CELSR2: variants seen among roughly 807,000 people sequenced by gnomAD.
CELSR2 encodes cadherin EGF LAG seven-pass G-type receptor 2, also known as EGF-like protein 2.
A neutral mutation model predicts 251.6 loss-of-function variants in CELSR2; 81 were observed. That is an observed-to-expected ratio of 0.32 (90% CI 0.27 to 0.39). The LOEUF (loss-of-function observed/expected upper bound fraction) is 0.39. Among genes scored for constraint, CELSR2 ranks in the 10% least tolerant of loss-of-function variants. CELSR2 has a pLI of 1.00. For synonymous variants in CELSR2, 1,721 were observed against 1,670.5 expected (o/e 1.03, Z -0.74); for missense variants, 3,365 against 3,947.7 (o/e 0.85, Z 3.96).
Position 109,272,727 on chromosome 1 carries a change from T to G in CELSR2, c.8142T>G (p.His2714Gln). ...SLFLEGQDQQ[H>Q]DPDTDSDSDL... is the part of the protein sequence containing the mutation. ...TCCTGGAAGGTCAAGACCAGCAGCA[T>G]GGTGAGGACAGAACGCTCTGGCCAC... is the stretch of plus-strand genomic sequence containing the variant. The change falls in exon 30 of 34, where the codon CAT becomes CAG. Residue 2714 changes from histidine to glutamine, a missense_variant and splice_region_variant. Physicochemically the swap from His to Gln is conservative, Grantham distance 24. Coordinates refer to ENST00000271332, the MANE Select transcript of CELSR2 (RefSeq NM_001408.3). The G allele has an allele frequency of 1.2e-6, 2 of 1,613,500 alleles. No individual in the cohort carries two copies. The highest frequency in any genetic ancestry group is 1.7e-6 in the Non-Finnish European group (2 of 1,179,844).
chr1:109,272,819 C>T lies in CELSR2; in HGVS notation c.8144-14C>T, dbSNP rs1463561844. The T allele has an allele frequency of 6.2e-7, 1 of 1,612,934 alleles. No individual in the cohort carries two copies. Among genetic ancestry groups the T allele is most frequent in the Non-Finnish European group, 8.5e-7 (1 of 1,179,334 alleles). On this transcript the variant is annotated splice_polypyrimidine_tract_variant and intron_variant, in intron 30 of 33. Coordinates refer to ENST00000271332, the MANE Select transcript of CELSR2 (RefSeq NM_001408.3). ...GGTGGCTGGGCTGGCTGTGATCTCT[C>T]CCTGGCCTCCTAGATCCTGACACGG...
At position 109,273,574 on chromosome 1, in the gene CELSR2, C is replaced by G. The variant is rs201068214; in HGVS notation, c.8648C>G (p.Pro2883Arg). 8 of 1,563,704 alleles carry G rather than the reference C, an allele frequency of 5.1e-6. No homozygotes were observed. The highest frequency in any genetic ancestry group is 6.9e-6 in the Non-Finnish European group (8 of 1,154,606). The change falls in exon 33 of 34, where the codon CCG (proline) becomes CGG (arginine). Residue 2883 changes from proline (P) to arginine (R), a missense_variant. Around this residue, in one of 5 missense-constraint regions of CELSR2, gnomAD observed 2,093 missense variants for 2,382.8 expected, o/e 0.88. Transcript: ENST00000271332. ...CGGGGAGGCCCCCCTCCCCGCCCAC[C>G]GCCCCGGCAGAGCCTCCAGGAGCAG... ...GSRGGPPPRP[P>R]PRQSLQEQLN...
rs771006174 is a variant in CELSR2 at position 109,265,859 on chromosome 1, G to A, written c.5852G>A (p.Gly1951Glu). The A allele has an allele frequency of 9.3e-6, 15 of 1,614,052 alleles. No homozygotes were observed. The South Asian group carries it at 1.3e-4, about 14-fold the overall frequency. The change falls in exon 14 of 34, where the codon GGG becomes GAG. Residue 1951 changes from glycine to glutamate, a missense_variant. Physicochemically the swap from Gly to Glu is moderately conservative, Grantham distance 98. Around this residue, in one of 5 missense-constraint regions of CELSR2, gnomAD observed 2,093 missense variants for 2,382.8 expected, o/e 0.88. Coordinates refer to ENST00000271332, the MANE Select transcript of CELSR2 (RefSeq NM_001408.3). ...TGTCCATGCAAGCCAGGTGTCATCG[G>A]GCGTCAGTGTGACCGCTGTGACAAC... The part of the protein sequence containing the change: ...GQCPCKPGVI[G>E]RQCDRCDNPF...
chr1:109,261,125 G>C lies in CELSR2; in HGVS notation c.4042G>C (p.Val1348Leu). Residue 1348 changes from valine (V) to leucine (L), a missense_variant, in exon 3 of 34, where the codon GTG becomes CTG. Transcript: ENST00000271332. This position sits in a 1 kb window ranked among gnomAD's most constrained non-coding sequence, Gnocchi z 4.8. ...TGGGGGCACCTGTGTCAACCTGCTG[G>C]TGGGCGGTTTCAAGTGCGATTGCCC... ...KNGGTCVNLL[V>L]GGFKCDCPSG... is the part of the protein sequence containing the mutation. 6.2e-7 allele frequency: 1 copy of C among 1,614,156 alleles called. No homozygotes were observed. Among genetic ancestry groups the C allele is most frequent in the Admixed American group, 1.7e-5 (1 of 60,018 alleles).
chr1:109,269,927 C>T lies in CELSR2; in HGVS notation c.7108-6C>T, dbSNP rs1284684363. The T allele has an allele frequency of 6.2e-7, 1 of 1,614,186 alleles. No individual in the cohort carries two copies. The highest frequency in any genetic ancestry group is 1.7e-5 in the Admixed American group (1 of 60,030). The stretch of plus-strand genomic sequence containing the variant: ...ATTCCCTGGCCCCCTGCCACCTACT[C>T]TGCAGAATGGGGAGATCCTGCCACT... On this transcript the variant is annotated splice_polypyrimidine_tract_variant and splice_region_variant and intron_variant, in intron 22 of 33. Coordinates refer to ENST00000271332, the MANE Select transcript of CELSR2 (RefSeq NM_001408.3). This position sits in a 1 kb window ranked among gnomAD's most constrained non-coding sequence, Gnocchi z 6.4.
rs1396041397 is a variant in CELSR2, at chr1:109,263,234, C to A, written c.4801C>A (p.Pro1601Thr). The change falls in exon 8 of 34, where the codon CCC (proline) becomes ACC (threonine). Residue 1601 changes from proline (P) to threonine (T), a missense_variant. Transcript: ENST00000271332. ...GTGGGACGCGTTCAGCTGCGAGTGC[C>A]CCCTGGGCTTTGGGGGCAAGAGCTG... is the stretch of plus-strand genomic sequence containing the variant. ...NQWDAFSCEC[P>T]LGFGGKSCAQ... 1.3e-6 allele frequency: 2 copies of A among 1,587,962 alleles called. No homozygotes were observed. The highest frequency in any genetic ancestry group is 8.6e-7 in the Non-Finnish European group (1 of 1,159,368).
chr1:109,257,017 A>T (rs1655867241), intron 1 of CELSR2, among the ~76,000 whole-genome samples: 2 of 152,240 alleles, frequency 1.3e-5, no homozygotes, highest in Admixed American at 1.3e-4. Flanking sequence ...TGTCATCCAC[A>T]TCTCAGTGTT....
chr1:109,265,089 C>T (rs1656149956), intron 12 of CELSR2, 80 bp downstream of exon 12: 1 of 1,598,274 alleles, frequency 6.3e-7, no homozygotes, highest in Non-Finnish European at 8.5e-7. Flanking sequence ...CCCCGAAAGC[C>T]TGGCTGATCC....
chr1:109,250,613 C>T lies in CELSR2; in HGVS notation c.534C>T (p.Ala178=), dbSNP rs1655658598. Residue 178 remains alanine (A), a synonymous_variant, in exon 1 of 34, where the codon GCC becomes GCT. Transcript: ENST00000271332. The surrounding 1 kb of genome is among the most constrained non-coding windows in gnomAD (Gnocchi z 4.4). ...GGRRKRNVNT[A]PQFQPPSYQA... is the part of the protein sequence containing the mutation. ...GTCGGAAAAGGAATGTAAATACAGCCCCCCAGTTCCAGCCCCCCAGCTACC... is the reference window on the plus strand; with the variant it reads ...GTCGGAAAAGGAATGTAAATACAGCTCCCCAGTTCCAGCCCCCCAGCTACC... The T allele has an allele frequency of 4.3e-6, 7 of 1,613,980 alleles. No individual in the cohort carries two copies. The highest frequency in any genetic ancestry group is 1.1e-5 in the South Asian group (1 of 91,076).
intron 23 of CELSR2, 125 bp downstream of exon 23, chr1:109,270,258 G>A (rs1166486234): frequency 7.8e-7 from 1 of 1,285,806 alleles, no homozygotes. Flanking sequence ...ACCTGGCCCA[G>A]GGTTTCCTCT....
rs762541244 is a variant in CELSR2, at chr1:109,252,154, G to T, written c.2075G>T (p.Arg692Leu). 6.2e-7 allele frequency: 1 copy of T among 1,613,854 alleles called. No homozygotes were observed. Among genetic ancestry groups the T allele is most frequent in the African/African-American group, 1.3e-5 (1 of 74,918 alleles). Reference sequence around the variant, plus strand: ...GCTGTTACCGCCTCCGATGGCACTCGGCAGGACACGGCACAGATTGTGGTG... The same window carrying T: ...GCTGTTACCGCCTCCGATGGCACTCTGCAGGACACGGCACAGATTGTGGTG... Reference protein sequence around the residue: ...VLAVTASDGTRQDTAQIVVNV... With the variant: ...VLAVTASDGTLQDTAQIVVNV... The change falls in exon 1 of 34, where the codon CGG (arginine) becomes CTG (leucine). Residue 692 changes from arginine (R) to leucine (L), a missense_variant. Coordinates refer to ENST00000271332, the MANE Select transcript of CELSR2 (RefSeq NM_001408.3). This position sits in a 1 kb window ranked among gnomAD's most constrained non-coding sequence, Gnocchi z 4.8.
At chr1:109,268,211 C>T in intron 17 of CELSR2, 151 bp downstream of exon 17, 2 of 1,212,564 alleles carry the variant, frequency 1.6e-6, no homozygotes, top group East Asian at 2.6e-5. Flanking sequence ...CCCTGTGACC[C>T]CTGGCCCAGC....
At position 109,269,336 on chromosome 1, in the gene CELSR2, G is replaced by A. The variant is rs372001966; in HGVS notation, c.6812+46G>A. On this transcript the variant is annotated intron_variant, in intron 20 of 33. Coordinates refer to ENST00000271332, the MANE Select transcript of CELSR2 (RefSeq NM_001408.3). The surrounding 1 kb of genome is among the most constrained non-coding windows in gnomAD (Gnocchi z 6.4). ...TGTGGGTAGGGGTATGGGTCGGGCG[G>A]TGAGTGCTGAGGCATGGAGGGGGTC... 9.3e-6 allele frequency: 15 copies of A among 1,611,384 alleles called. No individual in the cohort carries two copies. In the African/African-American group the frequency reaches 1.7e-4, roughly 19 times the overall value.
chr1:109,273,980 T>G, intron 33 of CELSR2, 42 bp from the exon 34 acceptor site: 1 of 1,611,254 alleles, frequency 6.2e-7, no homozygotes, highest in Non-Finnish European at 8.5e-7. Context: ...CAACTAACCC[T>G]CTGTCTGCCT....
Position 109,264,875 on chromosome 1 carries a change from T to C in CELSR2, c.5472T>C (p.Tyr1824=), listed in dbSNP as rs1294194026. 6.2e-7 allele frequency: 1 copy of C among 1,614,198 alleles called. No individual in the cohort carries two copies. The highest frequency in any genetic ancestry group is 8.5e-7 in the Non-Finnish European group (1 of 1,180,018). ...TGGTCCTTCTGGTCCCAGGTTACTA[T>C]GGTGACAACTGTACTAATGTGTGTG... ...SYSCSCDPGY[Y]GDNCTNVCDL... Residue 1824 remains tyrosine, a synonymous_variant, in exon 12 of 34, where the codon TAT becomes TAC. Coordinates refer to ENST00000271332, the MANE Select transcript of CELSR2 (RefSeq NM_001408.3).
chr1:109,271,465 G>A lies in CELSR2; in HGVS notation c.7756G>A (p.Asp2586Asn), dbSNP rs757428274. Residue 2586 changes from aspartate (D) to asparagine (N), a missense_variant, in exon 27 of 34, where the codon GAC becomes AAC. Physicochemically the swap from Asp to Asn is conservative, Grantham distance 23 (BLOSUM62 1). This residue lies in a region of CELSR2 where 2,093 missense variants were observed against 2,382.8 expected (regional missense o/e 0.88). Coordinates refer to ENST00000271332, the MANE Select transcript of CELSR2 (RefSeq NM_001408.3). ...GCTGGCACTGCTCTCTGTCAACAGC[G>A]ACACCCTCCTCTTCCACTACCTCTT... is the stretch of plus-strand genomic sequence containing the variant. ...WLLALLSVNS[D>N]TLLFHYLFAT... 2.5e-6 allele frequency: 4 copies of A among 1,614,102 alleles called. No individual in the cohort carries two copies. The highest frequency in any genetic ancestry group is 1.3e-5 in the African/African-American group (1 of 75,050).
chr1:109,271,997 C>T (rs763372749), intron 28 of CELSR2, among the ~76,000 whole-genome samples: 13 of 152,156 alleles, frequency 8.5e-5, no homozygotes, highest in Non-Finnish European at 1.8e-4. Context: ...TTTTCTGTCT[C>T]CCAAGGTGCT....
Position 109,273,456 on chromosome 1 carries a change from C to G in CELSR2, c.8530C>G (p.Leu2844Val). The G allele has an allele frequency of 6.2e-7, 1 of 1,612,342 alleles. No homozygotes were observed. Among genetic ancestry groups the G allele is most frequent in the Non-Finnish European group, 8.5e-7 (1 of 1,179,470 alleles). Residue 2844 changes from leucine (L) to valine (V), a missense_variant, in exon 33 of 34, where the codon CTG (leucine) becomes GTG (valine). This residue lies in a region of CELSR2 where 2,093 missense variants were observed against 2,382.8 expected (regional missense o/e 0.88). Transcript: ENST00000271332. ...CACAGGCATCCTTAAGAAGAAGTGTCTGCCCACCATCAGCGAGAAGAGCAG... is the reference window on the plus strand; with the variant it reads ...CACAGGCATCCTTAAGAAGAAGTGTGTGCCCACCATCAGCGAGAAGAGCAG... ...PHKGILKKKC[L>V]PTISEKSSLL...
At position 109,269,536 on chromosome 1, in the gene CELSR2, C is replaced by T; in HGVS notation, c.6925C>T (p.Leu2309=). Residue 2309 remains leucine (L), a synonymous_variant, in exon 21 of 34, where the codon CTG becomes TTG. Transcript: ENST00000271332. This position sits in a 1 kb window ranked among gnomAD's most constrained non-coding sequence, Gnocchi z 6.4. The part of the protein sequence containing the change: ...DKPVTVQFRL[L]ETEERTKPIC... ...ACCCGTCACGGTGCAGTTCCGCCTGCTGGAGACAGAGGAGCGGACCAAGCC... is the reference window on the plus strand; with the variant it reads ...ACCCGTCACGGTGCAGTTCCGCCTGTTGGAGACAGAGGAGCGGACCAAGCC... 6.2e-7 allele frequency: 1 copy of T among 1,614,144 alleles called. No individual in the cohort carries two copies. Among genetic ancestry groups the T allele is most frequent in the Non-Finnish European group, 8.5e-7 (1 of 1,180,026 alleles).
Sources: gnomAD v4.1 joint callset for allele counts (sites outside exome capture counted in the v4.1 genomes callset) on GRCh38, gnomAD v4.1.1 for gene constraint, gnomAD v4.1.1 regional missense constraint, Gnocchi (gnomAD v3.1) non-coding constraint, MANE v1.5 for transcripts, NCBI Gene and HGNC (gene_info 2026-07-23, HGNC 2026-07-21) for gene names.